INSYN2A: variants seen among roughly 807,000 people sequenced by gnomAD.
The protein encoded by INSYN2A is family with sequence similarity 196 member A.
INSYN2A carries 17 observed loss-of-function variants against 39.4 expected under a neutral mutation model. The ratio of observed to expected loss-of-function variants is 0.43; its 90% CI spans 0.30 to 0.65. INSYN2A has a LOEUF of 0.65. Ranked by LOEUF, INSYN2A falls within the 30% of genes least tolerant of loss-of-function variation. The pLI is 0.14. For synonymous variants in INSYN2A, 255 were observed against 265.7 expected, an observed-to-expected ratio of 0.96 and a Z score of 0.39; for missense variants, 595 against 631.2, an observed-to-expected ratio of 0.94 and a Z score of 0.61.
chr10:127,177,100 A>C lies in INSYN2A; in HGVS notation c.-229T>G, dbSNP rs1018263251. 1.3e-4 allele frequency: 20 copies of C among 151,914 alleles called. No individual in the cohort carries two copies. The highest frequency in any genetic ancestry group is 4.6e-4 in the African/African-American group (19 of 41,314). 9.4% of individuals were successfully genotyped at this position (151,914 alleles called of 1,614,324 possible). A position where few individuals can be genotyped will look rare whatever the true frequency, so the allele number is the denominator to read the frequency against. On this transcript the variant is annotated 5_prime_UTR_variant, in exon 3 of 6. Transcript: ENST00000522781. ...TGCATCTACAAAGGCCATGTTTGCA[A>C]CTCCTTTTATTCCATGGAGAGTGGT...
intron 5 of INSYN2A, among the ~76,000 whole-genome samples, chr10:127,138,326 T>C (rs1475067967): frequency 6.6e-6 from 1 of 152,202 alleles, no homozygotes; most frequent in Non-Finnish European, 1.5e-5. Context: ...CCCCATTGTT[T>C]GTCCACAGTC....
intron 4 of INSYN2A, among the ~76,000 whole-genome samples, chr10:127,164,550 C>G (rs1006094685): frequency 6.6e-6 from 1 of 152,104 alleles, no homozygotes; most frequent in Non-Finnish European, 1.5e-5. Context: ...TCCTTTTTCA[C>G]AGAGCCATCA....
At chr10:127,179,631 C>G (rs974747190) in intron 2 of INSYN2A, among the ~76,000 whole-genome samples, 1 of 152,012 alleles carries the variant, frequency 6.6e-6, no homozygotes, top group Non-Finnish European at 1.5e-5. Flanking sequence ...TTCATTTGCT[C>G]TTTATTGGGG....
intron 5 of INSYN2A, among the ~76,000 whole-genome samples, chr10:127,149,483 C>T (rs778723851): frequency 2.0e-5 from 3 of 152,160 alleles, no homozygotes. Context: ...GGCAAAGGTA[C>T]CCATTTATTA....
intron 4 of INSYN2A, among the ~76,000 whole-genome samples, chr10:127,170,237 T>C (rs564596236): frequency 1.3e-5 from 2 of 152,150 alleles, no homozygotes; most frequent in Admixed American, 6.5e-5. Flanking sequence ...ATCATACTCT[T>C]GCCTTTGCTC....
chr10:127,160,137 GA>G (rs200473636), intron 4 of INSYN2A, among the ~76,000 whole-genome samples: 9,227 of 128,344 alleles, frequency 0.072, 751 homozygotes, highest in African/African-American at 0.21. Flanking sequence ...GGTCAGGAAA[GA>G]AAAAAAAAAA....
At chr10:127,184,681 T>G (rs1053831425) in intron 2 of INSYN2A, among the ~76,000 whole-genome samples, 2 of 152,222 alleles carry the variant, frequency 1.3e-5, no homozygotes, top group African/African-American at 4.8e-5. Context: ...ATCTGCTGAC[T>G]TCCATTAAGC....
In INSYN2A at chr10:127,175,382, T is replaced by G. The variant is rs61752578; in HGVS notation, c.1014A>C (p.Thr338=). The change falls in exon 4 of 6, where the codon ACA becomes ACC. Residue 338 remains threonine (T), a synonymous_variant. Transcript: ENST00000522781. The surrounding 1 kb of genome is among the most constrained non-coding windows in gnomAD (Gnocchi z 6.3). ...PPGLGNQPSP[T]AVAAGEECQR... The stretch of plus-strand genomic sequence containing the variant: ...GGCATTCTTCACCTGCAGCAACCGC[T>G]GTGGGACTAGGCTGGTTCCCCAGCC... The G allele has an allele frequency of 9.9e-5, 159 of 1,613,892 alleles. No individual in the cohort carries two copies. The African/African-American group carries it at 2.0e-3, about 20-fold the overall frequency.
Position 127,165,906 on chromosome 10 carries a change from T to G in INSYN2A, c.1184+9306A>C, listed in dbSNP as rs2054026400. On this transcript the variant is annotated intron_variant, in intron 4 of 5. Coordinates refer to ENST00000522781, the MANE Select transcript of INSYN2A (RefSeq NM_001039762.3). ...TCTCAATGAGGGGATCTCTGCTGTC[T>G]CTAGCACCGGAAAGATGCTTTCTCC... Among the ~76,000 whole-genome samples, 3 of 152,200 alleles carry G rather than the reference T, an allele frequency of 2.0e-5. 1 individual carries two copies. Among genetic ancestry groups the G allele is most frequent in the Admixed American group, 2.0e-4 (3 of 15,284 alleles).
Position 127,175,476 on chromosome 10 carries a change from C to T in INSYN2A, c.920G>A (p.Cys307Tyr). The T allele has an allele frequency of 2.5e-6, 4 of 1,609,378 alleles. No homozygotes were observed. In the South Asian group the frequency reaches 3.3e-5, roughly 13 times the overall value. The change falls in exon 4 of 6, where the codon TGC (cysteine) becomes TAC (tyrosine). Residue 307 changes from cysteine to tyrosine, a missense_variant. By Grantham distance (194) the Cys-to-Tyr change is radical. Transcript: ENST00000522781. The surrounding 1 kb of genome is among the most constrained non-coding windows in gnomAD (Gnocchi z 6.3). ...LQAPSETALA[C>Y]SPPMQCLSPE... ...GGACAGGCACTGCATCGGGGGTGAG[C>T]AGGCCAGGGCAGTTTCCGAGGGCGC...
At chr10:127,161,298 G>A (rs2053572871) in intron 4 of INSYN2A, among the ~76,000 whole-genome samples, 1 of 152,150 alleles carries the variant, frequency 6.6e-6, no homozygotes, top group Non-Finnish European at 1.5e-5. Context: ...AGAATATGAA[G>A]TTGATTTTCA....
intron 4 of INSYN2A, among the ~76,000 whole-genome samples, chr10:127,159,214 T>G (rs186200568): frequency 2.0e-4 from 31 of 152,354 alleles, no homozygotes; most frequent in Admixed American, 2.0e-3. Flanking sequence ...CATTTCTGTT[T>G]TGTAGTGAAC....
At chr10:127,182,275 A>G (rs928271421) in intron 2 of INSYN2A, among the ~76,000 whole-genome samples, 8 of 152,180 alleles carry the variant, frequency 5.3e-5, no homozygotes, top group Admixed American at 1.3e-4. Context: ...CCACTCATGC[A>G]TATCTGCGGT....
chr10:127,191,364 A>T lies in INSYN2A; in HGVS notation c.-269+1241T>A, dbSNP rs1482668159. On this transcript the variant is annotated intron_variant, in intron 2 of 5. Coordinates refer to ENST00000522781, the MANE Select transcript of INSYN2A (RefSeq NM_001039762.3). ...GGCCACTGCTGCAACAGCTCAGTAC[A>T]TATCCACAAATCAGAAGTCCTCTCT... 2.0e-5 allele frequency among the ~76,000 whole-genome samples: 3 copies of T among 152,248 alleles called. No homozygotes were observed. The East Asian group carries it at 5.8e-4, about 29-fold the overall frequency.
intron 2 of INSYN2A, among the ~76,000 whole-genome samples, chr10:127,183,122 G>A (rs1383887901): frequency 1.1e-5 from 1 of 94,158 alleles, no homozygotes; most frequent in Non-Finnish European, 2.0e-5. Flanking sequence ...TTTGACTCAT[G>A]ATTTATCTGA....
chr10:127,159,165 C>T (rs1215176474), intron 4 of INSYN2A, among the ~76,000 whole-genome samples: 2 of 152,234 alleles, frequency 1.3e-5, no homozygotes, highest in Non-Finnish European at 2.9e-5. Flanking sequence ...GCCAATTCTA[C>T]AAGGTGGTTT....
Position 127,176,762 on chromosome 10 carries a change from T to C in INSYN2A, c.-6+115A>G, listed in dbSNP as rs752050224. The stretch of plus-strand genomic sequence containing the variant: ...TTTTCACACGCGTGACTCCCCTTCT[T>C]AGGCAGATGGTTTACCAAGTGCTAC... On this transcript the variant is annotated intron_variant, in intron 3 of 5. Coordinates refer to ENST00000522781, the MANE Select transcript of INSYN2A (RefSeq NM_001039762.3). The surrounding 1 kb of genome is among the most constrained non-coding windows in gnomAD (Gnocchi z 4.4). 1 of 182,116 alleles carries C rather than the reference T, an allele frequency of 5.5e-6. No individual in the cohort carries two copies. The highest frequency in any genetic ancestry group is 1.1e-5 in the Non-Finnish European group (1 of 87,480). 11.3% of individuals were successfully genotyped at this position (182,116 alleles called of 1,614,324 possible).
intron 5 of INSYN2A, chr10:127,145,848 A>G (rs1592214019): frequency 2.8e-6 from 1 of 356,874 alleles, no homozygotes; most frequent in East Asian, 8.6e-5. Flanking sequence ...ACACACGGAA[A>G]CCATTAGCTG....
At chr10:127,139,154 T>C (rs2050984959) in intron 5 of INSYN2A, among the ~76,000 whole-genome samples, 1 of 152,232 alleles carries the variant, frequency 6.6e-6, no homozygotes, top group Non-Finnish European at 1.5e-5. Flanking sequence ...TGATAATGCA[T>C]GAGCTCATAA....
Sources: allele counts gnomAD v4.1 joint callset (sites outside exome capture counted in the v4.1 genomes callset), GRCh38; gene constraint gnomAD v4.1.1; non-coding constraint Gnocchi (gnomAD v3.1); transcripts MANE v1.5; gene names NCBI Gene and HGNC (gene_info 2026-07-23, HGNC 2026-07-21).